PDE4D: variants seen among roughly 807,000 people sequenced by gnomAD.
PDE4D encodes the protein 3',5'-cyclic-AMP phosphodiesterase 4D.
In PDE4D, 24 loss-of-function variants were observed where a neutral mutation model predicts 87.4. The ratio of observed to expected loss-of-function variants is 0.27; its 90% confidence interval spans 0.20 to 0.39. The LOEUF is 0.39. PDE4D is among the 10% of genes least tolerant of loss of function. The pLI, the probability that PDE4D is intolerant of heterozygous loss-of-function variation, is 1.00. For synonymous variants in PDE4D, 384 were observed against 383.2 expected (o/e 1.00, Z -0.02); for missense variants, 714 against 1,041.0 (o/e 0.69, Z 4.32).
At chr5:59,524,795 G>C (rs896302047) in intron 1 of PDE4D, among the ~76,000 whole-genome samples, 7 of 152,280 alleles carry the variant, frequency 4.6e-5, no homozygotes, top group Middle Eastern at 3.4e-3. Context: ...CCCAACCATG[G>C]CTAAAAGGGG....
chr5:59,782,855 T>G (rs1764765931), intron 1 of PDE4D, among the ~76,000 whole-genome samples: 1 of 152,200 alleles, frequency 6.6e-6, no homozygotes, highest in African/African-American at 2.4e-5. Flanking sequence ...GACAAGGAAA[T>G]GTAAATCCAA....
chr5:59,920,637 G>A (rs184147719), intron 3 of PDE4D, among the ~76,000 whole-genome samples: 6 of 152,248 alleles, frequency 3.9e-5, no homozygotes, highest in Admixed American at 1.3e-4. Context: ...AATCCTGGTC[G>A]TGTGACTTTT....
At chr5:60,242,421 T>C (rs372587173) in intron 1 of PDE4D, among the ~76,000 whole-genome samples, 4 of 151,990 alleles carry the variant, frequency 2.6e-5, no homozygotes, top group Non-Finnish European at 4.4e-5. Flanking sequence ...ATCTCCCATA[T>C]AGAAAATCAA....
intron 2 of PDE4D, among the ~76,000 whole-genome samples, chr5:60,070,606 A>T (rs7714067): frequency 0.49 from 73,989 of 151,772 alleles, 18,489 homozygotes; most frequent in East Asian, 0.83. Flanking sequence ...GGGGTTTAGT[A>T]GAGGAATTTG....
intron 3 of PDE4D, among the ~76,000 whole-genome samples, chr5:59,914,907 GTGTGTA>G (rs1251235569): frequency 9.2e-5 from 13 of 141,758 alleles, no homozygotes; most frequent in African/African-American, 2.9e-4. Context: ...GTGTGTGTGT[GTGTGTA>G]TGTGTGTAAA....
intron 2 of PDE4D, among the ~76,000 whole-genome samples, chr5:60,102,241 C>G (rs1776291112): frequency 1.3e-5 from 2 of 151,486 alleles, no homozygotes; most frequent in Non-Finnish European, 2.9e-5. Context: ...TGTTTTTTTG[C>G]TTTTTTGCTT....
intron 1 of PDE4D, among the ~76,000 whole-genome samples, chr5:59,700,287 T>C (rs1752376945): frequency 1.3e-5 from 2 of 152,212 alleles, no homozygotes; most frequent in South Asian, 2.1e-4. Context: ...CATTTTGTGG[T>C]ATTATTATTT....
chr5:60,026,407 T>C (rs985841856), intron 2 of PDE4D, among the ~76,000 whole-genome samples: 1 of 152,156 alleles, frequency 6.6e-6, no homozygotes. Context: ...TCTGGCCTTA[T>C]CTTCACACAT....
At chr5:59,838,679 C>CT (rs1742519082) in intron 1 of PDE4D, among the ~76,000 whole-genome samples, 2 of 152,196 alleles carry the variant, frequency 1.3e-5, no homozygotes, top group East Asian at 1.9e-4. Context: ...TAGATTAGCA[C>CT]TTAGAGGTGT....
chr5:60,150,460 A>G (rs1310611981), intron 2 of PDE4D, among the ~76,000 whole-genome samples: 2 of 152,160 alleles, frequency 1.3e-5, no homozygotes, highest in African/African-American at 4.8e-5. Flanking sequence ...TTATTATTAA[A>G]TGCACTGTTT....
At chr5:59,405,672 T>A (rs560602865) in intron 1 of PDE4D, among the ~76,000 whole-genome samples, 4 of 152,184 alleles carry the variant, frequency 2.6e-5, no homozygotes, top group Non-Finnish European at 5.9e-5. Context: ...TAGCTGTGGG[T>A]CTGTCATATA....
chr5:60,316,545 G>A (rs1289199378), intron 1 of PDE4D, among the ~76,000 whole-genome samples: 2 of 152,068 alleles, frequency 1.3e-5, no homozygotes, highest in Non-Finnish European at 2.9e-5. Flanking sequence ...GGTGAGAGAG[G>A]GCATCCCTCT....
chr5:59,055,400 T>C (rs1407135463), intron 5 of PDE4D, among the ~76,000 whole-genome samples: 2 of 152,168 alleles, frequency 1.3e-5, no homozygotes, highest in Non-Finnish European at 2.9e-5. Flanking sequence ...CAAACTTCAG[T>C]TCATCTATTC....
chr5:59,026,689 G>C (rs1002645617), intron 6 of PDE4D, among the ~76,000 whole-genome samples: 2 of 151,654 alleles, frequency 1.3e-5, no homozygotes, highest in African/African-American at 4.9e-5. Flanking sequence ...GGGAGACATA[G>C]GACACCCCAG....
chr5:59,391,176 A>G (rs975824758), intron 1 of PDE4D, among the ~76,000 whole-genome samples: 1 of 152,084 alleles, frequency 6.6e-6, no homozygotes, highest in Non-Finnish European at 1.5e-5. Flanking sequence ...AGTAATGACT[A>G]TGTCTTGTGG....
At chr5:60,446,204 G>C (rs1388849878) in intron 1 of PDE4D, among the ~76,000 whole-genome samples, 2 of 151,540 alleles carry the variant, frequency 1.3e-5, no homozygotes, top group African/African-American at 4.9e-5. Flanking sequence ...TAAACTGAAG[G>C]GGAAAAAAAC....
chr5:60,211,770 T>G (rs1409837522), intron 1 of PDE4D, among the ~76,000 whole-genome samples: 1 of 152,138 alleles, frequency 6.6e-6, no homozygotes, highest in Non-Finnish European at 1.5e-5. Flanking sequence ...ACCCTCATTT[T>G]CGTGGTTTAT....
At chr5:59,977,524 C>G (rs66544976) in intron 3 of PDE4D, among the ~76,000 whole-genome samples, 1 of 151,960 alleles carries the variant, frequency 6.6e-6, no homozygotes, top group Non-Finnish European at 1.5e-5. Context: ...GGTGCACAAG[C>G]TACCCATTTA....
intron 1 of PDE4D, among the ~76,000 whole-genome samples, chr5:59,601,708 C>G (rs192666165): frequency 6.6e-6 from 1 of 152,184 alleles, no homozygotes; most frequent in East Asian, 1.9e-4. Context: ...TAGTCTCACT[C>G]CCTCTCCTTT....
Sources: allele counts gnomAD v4.1 joint callset (sites outside exome capture counted in the v4.1 genomes callset), GRCh38; gene constraint gnomAD v4.1.1; transcripts MANE v1.5; gene names NCBI Gene and HGNC (gene_info 2026-07-23, HGNC 2026-07-21).